TMEM116: variants seen among roughly 807,000 people sequenced by gnomAD.
TMEM116 encodes transmembrane protein 116.
In TMEM116, 38 loss-of-function variants were observed where a neutral mutation model predicts 44.3. The ratio of observed to expected loss-of-function variants is 0.86; its 90% CI spans 0.66 to 1.12. The LOEUF (loss-of-function observed/expected upper bound fraction) is 1.12, where lower values mean the gene tolerates loss of function less well. Ranked by LOEUF, TMEM116 falls within the 50% of genes most tolerant of loss-of-function variation. The pLI is 0.00. For synonymous variants in TMEM116, 132 were observed against 144.8 expected, an observed-to-expected ratio of 0.91 and a Z score of 0.64; for missense variants, 354 against 401.7, an observed-to-expected ratio of 0.88 and a Z score of 1.01.
At chr12:111,946,975 TA>T (rs1268907091) in intron 4 of TMEM116, among the ~76,000 whole-genome samples, 1 of 152,186 alleles carries the variant, frequency 6.6e-6, no homozygotes, top group Non-Finnish European at 1.5e-5. Context: ...CCAGGTCATC[TA>T]AATGAACTTT....
chr12:111,994,388 T>G (rs2076810703), intron 3 of TMEM116, among the ~76,000 whole-genome samples: 1 of 152,062 alleles, frequency 6.6e-6, no homozygotes, highest in South Asian at 2.1e-4. Context: ...CCCAGGTGGA[T>G]CGGCAGGTCG....
chr12:112,012,079 C>T (rs1245428074), intron 1 of TMEM116: 1 of 152,232 alleles, frequency 6.6e-6, no homozygotes, highest in Non-Finnish European at 1.5e-5. Context: ...TGCGCCAGTT[C>T]GCCTTTACAT....
At chr12:111,957,665 C>T (rs1455967966) in intron 4 of TMEM116, among the ~76,000 whole-genome samples, 1 of 151,958 alleles carries the variant, frequency 6.6e-6, no homozygotes, top group Non-Finnish European at 1.5e-5. Flanking sequence ...TGAGGAGCCC[C>T]TCTGCCTGGC....
intron 4 of TMEM116, among the ~76,000 whole-genome samples, chr12:111,985,713 G>A (rs1376377070): frequency 6.6e-6 from 1 of 151,956 alleles, no homozygotes; most frequent in East Asian, 1.9e-4. Flanking sequence ...CCAGCCTCCA[G>A]AGCCTCCAGA....
intron 3 of TMEM116, 24 bp downstream of exon 3, chr12:112,003,776 C>A: frequency 1.3e-6 from 2 of 1,507,634 alleles, no homozygotes; most frequent in South Asian, 2.6e-5. Flanking sequence ...AAGTTCAAAT[C>A]CAACACAAAG....
At chr12:111,991,684 G>C (rs954558609) in intron 4 of TMEM116, 74 bp downstream of exon 4, 23 of 1,433,632 alleles carry the variant, frequency 1.6e-5, no homozygotes, top group Non-Finnish European at 2.0e-5. Context: ...TTCCCAAGGT[G>C]AATCATCTTT....
intron 3 of TMEM116, among the ~76,000 whole-genome samples, chr12:111,998,287 TGGTCTCAG>T (rs2077039134): frequency 6.6e-6 from 1 of 152,222 alleles, no homozygotes; most frequent in African/African-American, 2.4e-5. Context: ...AAGATCAAAC[TGGTCTCAG>T]GGTTACATTG....
chr12:111,942,074 G>A (rs1198903920), intron 5 of TMEM116, among the ~76,000 whole-genome samples: 1 of 151,986 alleles, frequency 6.6e-6, no homozygotes, highest in African/African-American at 2.4e-5. Context: ...AAATAGCTGG[G>A]ATTACAGGCA....
chr12:112,000,309 T>G (rs1236163712), intron 3 of TMEM116, among the ~76,000 whole-genome samples: 1 of 152,228 alleles, frequency 6.6e-6, no homozygotes, highest in Non-Finnish European at 1.5e-5. Flanking sequence ...AAATTTTATC[T>G]AGAGATAAGC....
intron 3 of TMEM116, chr12:112,003,583 A>G (rs111911436): frequency 1.8e-5 from 9 of 501,312 alleles, no homozygotes; most frequent in African/African-American, 1.0e-4. Context: ...AAAAAAAAAA[A>G]TAGTTAATCT....
At chr12:111,936,978 G>T in intron 7 of TMEM116, 148 bp from the exon 8 acceptor site, 1 of 1,037,794 alleles carries the variant, frequency 9.6e-7, no homozygotes, top group Non-Finnish European at 1.4e-6. Context: ...ACATTATCTT[G>T]TAGTCATTTT....
rs1349159110 is a variant in TMEM116, at chr12:111,969,009, A to G, written c.210+22749T>C. 4.7e-4 allele frequency among the ~76,000 whole-genome samples: 71 copies of G among 150,282 alleles called. 1 individual carries two copies. The highest frequency in any genetic ancestry group is 1.2e-3 in the African/African-American group (50 of 41,074). On this transcript the variant is annotated intron_variant, in intron 4 of 10. Coordinates refer to ENST00000552374, the MANE Select transcript of TMEM116 (RefSeq NM_001193531.2). ...CTCTATCTCAAAAAAAAAAAAAAAA[A>G]AAAAGAAAAGAAAAGAAAAAAAAGA... is the stretch of plus-strand genomic sequence containing the variant.
intron 4 of TMEM116, among the ~76,000 whole-genome samples, chr12:111,945,073 T>TAAAAAAAAAAAAAAAAAAA: frequency 3.5e-5 from 2 of 56,646 alleles, no homozygotes; most frequent in East Asian, 4.9e-4. Flanking sequence ...AGACTCCATC[T>TAAAAAAAAAAAAAAAAAAA]AAAAAAAAAA....
chr12:111,955,688 A>G (rs1174286541), intron 4 of TMEM116, among the ~76,000 whole-genome samples: 1 of 152,240 alleles, frequency 6.6e-6, no homozygotes. Flanking sequence ...ACAGTCATGC[A>G]CTGCATAACA....
intron 5 of TMEM116, among the ~76,000 whole-genome samples, chr12:111,940,282 A>G (rs886674082): frequency 6.6e-6 from 1 of 151,194 alleles, no homozygotes; most frequent in South Asian, 2.1e-4. Context: ...CAAAAAATAT[A>G]TATATATATG....
intron 3 of TMEM116, chr12:111,993,606 A>C (rs774124894): frequency 1.5e-5 from 8 of 546,696 alleles, no homozygotes; most frequent in Non-Finnish European, 2.9e-5. Flanking sequence ...TGTATAAGGA[A>C]GAAGGCCTAA....
intron 4 of TMEM116, among the ~76,000 whole-genome samples, chr12:111,952,300 C>T (rs2073791702): frequency 6.6e-6 from 1 of 152,070 alleles, no homozygotes; most frequent in Admixed American, 6.6e-5. Flanking sequence ...TCAAATCAAC[C>T]CAGTCATAAA....
intron 4 of TMEM116, among the ~76,000 whole-genome samples, chr12:111,979,444 G>C (rs2075834549): frequency 6.6e-6 from 1 of 152,078 alleles, no homozygotes; most frequent in Non-Finnish European, 1.5e-5. Context: ...TATAGAAACA[G>C]AAGGAAAACA....
chr12:111,969,679 G>A (rs931564027), intron 4 of TMEM116, among the ~76,000 whole-genome samples: 1 of 152,052 alleles, frequency 6.6e-6, no homozygotes, highest in African/African-American at 2.4e-5. Context: ...CCGGGTTCAC[G>A]CCATTCTCCT....
Sources: allele counts gnomAD v4.1 joint callset (sites outside exome capture counted in the v4.1 genomes callset), GRCh38; gene constraint gnomAD v4.1.1; transcripts MANE v1.5; gene names NCBI Gene and HGNC (gene_info 2026-07-23, HGNC 2026-07-21).